The following DNAJC5B variants were observed in gnomAD, a reference collection of about 807,000 sequenced individuals.
The protein encoded by DNAJC5B is DnaJ heat shock protein family (Hsp40) member C5 beta, also known as dnaJ homolog subfamily C member 5B.
In DNAJC5B, 23 loss-of-function variants were observed where a neutral mutation model predicts 24.7. That is an observed-to-expected ratio of 0.93 (90% CI 0.67 to 1.32). DNAJC5B has a LOEUF of 1.32. Ranked by LOEUF, DNAJC5B falls within the 40% of genes most tolerant of loss-of-function variation. DNAJC5B has a pLI of 0.00. For synonymous variants in DNAJC5B, 101 were observed against 90.1 expected (o/e 1.12, Z -0.68); for missense variants, 238 against 240.8 (o/e 0.99, Z 0.08).
intron 5 of DNAJC5B, among the ~76,000 whole-genome samples, chr8:66,088,708 T>C (rs1271543711): frequency 6.6e-6 from 1 of 152,278 alleles, no homozygotes; most frequent in South Asian, 2.1e-4. Flanking sequence ...CAAGGTTCCA[T>C]AGATCTCTAG....
intron 3 of DNAJC5B, among the ~76,000 whole-genome samples, chr8:66,059,707 T>A (rs930400897): frequency 1.3e-5 from 2 of 152,192 alleles, no homozygotes; most frequent in Admixed American, 6.5e-5. Context: ...GGGAGGCAGT[T>A]CATCTCCATG....
intron 5 of DNAJC5B, among the ~76,000 whole-genome samples, chr8:66,082,692 A>G (rs1203384573): frequency 5.3e-5 from 8 of 152,174 alleles, no homozygotes; most frequent in Admixed American, 4.6e-4. Flanking sequence ...AGCAGCTCCT[A>G]TGCAGGGATC....
At chr8:66,020,594 CTGTGTGTGTGTGTGTGTG>C (rs10526018), upstream of DNAJC5B, among the ~76,000 whole-genome samples, 123 of 132,458 alleles carry the variant, frequency 9.3e-4, no homozygotes, top group South Asian at 1.6e-3. Flanking sequence ...AATCAATACT[CTGTGTGTGTGTGTGTGTG>C]TGTGTGTGTG....
In DNAJC5B at chr8:66,100,814, G is replaced by A. The variant is rs1808058594; in HGVS notation, c.*783G>A. On this transcript the variant is annotated 3_prime_UTR_variant, in exon 6 of 6. Transcript: ENST00000276570. Reference sequence around the variant, plus strand: ...ACTAAGGGAAAAAAAACAGATGAAGGGGTAGAACTCTATACTCTAGAGCCT... The same window carrying A: ...ACTAAGGGAAAAAAAACAGATGAAGAGGTAGAACTCTATACTCTAGAGCCT... Among the ~76,000 whole-genome samples the A allele has an allele frequency of 6.6e-6, 1 of 152,106 alleles. No individual in the cohort carries two copies. The highest frequency in any genetic ancestry group is 6.6e-5 in the Admixed American group (1 of 15,264).
At position 66,101,033 on chromosome 8, in the gene DNAJC5B, G is replaced by A. The variant is rs77989409; in HGVS notation, c.*1002G>A. Among the ~76,000 whole-genome samples the A allele has an allele frequency of 0.024, 3,605 of 152,166 alleles. 127 individuals are homozygous for A. Among genetic ancestry groups the A allele is most frequent in the African/African-American group, 0.081 (3,377 of 41,500 alleles). ...AAATACTATGGCAGAAAAAGTGTTC[G>A]TTTTTCTAGCTCTTTCTTACTTTTT... On this transcript the variant is annotated 3_prime_UTR_variant, in exon 6 of 6. Coordinates refer to ENST00000276570, the MANE Select transcript of DNAJC5B (RefSeq NM_033105.6).
chr8:66,085,520 C>A (rs560822248), intron 5 of DNAJC5B, among the ~76,000 whole-genome samples: 2 of 152,128 alleles, frequency 1.3e-5, no homozygotes, highest in South Asian at 2.1e-4. Flanking sequence ...TTGCAGTGAG[C>A]GGAGATTGCA....
intron 3 of DNAJC5B, among the ~76,000 whole-genome samples, chr8:66,074,816 A>G (rs914120494): frequency 6.6e-6 from 1 of 152,140 alleles, no homozygotes; most frequent in African/African-American, 2.4e-5. Flanking sequence ...CTTCCCGAGG[A>G]TTCCTCAGAG....
At chr8:66,083,081 G>A (rs1243372708) in intron 5 of DNAJC5B, among the ~76,000 whole-genome samples, 1 of 136,688 alleles carries the variant, frequency 7.3e-6, no homozygotes, top group Non-Finnish European at 1.5e-5. Flanking sequence ...GCACGATCTC[G>A]GCTCACTGCA....
intron 3 of DNAJC5B, among the ~76,000 whole-genome samples, chr8:66,064,309 G>C (rs1279112715): frequency 6.6e-6 from 1 of 152,152 alleles, no homozygotes; most frequent in Non-Finnish European, 1.5e-5. Context: ...AGAGCTATTG[G>C]CAGGGACTGC....
intron 3 of DNAJC5B, among the ~76,000 whole-genome samples, chr8:66,051,907 AAGAG>A (rs545475932): frequency 6.6e-6 from 1 of 152,072 alleles, no homozygotes; most frequent in Non-Finnish European, 1.5e-5. Context: ...CCTGCAGTGA[AAGAG>A]AGAGAGAAAG....
chr8:66,056,872 GGCTCT>G (rs1806972697), intron 3 of DNAJC5B: 2 of 152,358 alleles, frequency 1.3e-5, no homozygotes, highest in Non-Finnish European at 2.9e-5. Flanking sequence ...CGGGTGCGGT[GGCTCT>G]CGCCTGTAAT....
chr8:66,067,031 A>G (rs76494271), intron 3 of DNAJC5B, among the ~76,000 whole-genome samples: 4,481 of 152,242 alleles, frequency 0.029, 83 homozygotes, highest in Non-Finnish European at 0.045. Flanking sequence ...ACAGCATGTA[A>G]GGCCTTTGGT....
chr8:66,022,471 G>A (rs1254199584), intron 1 of DNAJC5B, among the ~76,000 whole-genome samples: 4 of 152,134 alleles, frequency 2.6e-5, no homozygotes, highest in African/African-American at 9.7e-5. Flanking sequence ...GACAGCTCAG[G>A]CAGGCACGCT....
At chr8:66,094,167 A>G (rs1563613853) in intron 5 of DNAJC5B, among the ~76,000 whole-genome samples, 2 of 152,094 alleles carry the variant, frequency 1.3e-5, no homozygotes, top group Admixed American at 1.3e-4. Context: ...TTTCTTATAT[A>G]AATCTCAAAA....
At chr8:66,095,658 G>GACAT (rs1807935270) in intron 5 of DNAJC5B, among the ~76,000 whole-genome samples, 1 of 146,638 alleles carries the variant, frequency 6.8e-6, no homozygotes, top group African/African-American at 2.5e-5. Flanking sequence ...ACTTTAGCTT[G>GACAT]ACACACACAC....
At chr8:66,063,404 T>G (rs1807125156) in intron 3 of DNAJC5B, among the ~76,000 whole-genome samples, 1 of 152,212 alleles carries the variant, frequency 6.6e-6, no homozygotes. Context: ...GAATGCATAG[T>G]TAATAGAAGA....
At chr8:66,075,657 T>G (rs1450889979) in intron 3 of DNAJC5B, among the ~76,000 whole-genome samples, 1 of 152,202 alleles carries the variant, frequency 6.6e-6, no homozygotes, top group African/African-American at 2.4e-5. Context: ...TTTTAAAAAT[T>G]TATTCTGAGT....
chr8:66,068,784 T>A (rs1217620211), intron 3 of DNAJC5B, among the ~76,000 whole-genome samples: 3 of 152,082 alleles, frequency 2.0e-5, no homozygotes, highest in Admixed American at 6.6e-5. Context: ...CCCAGGCACA[T>A]CACAGGAAAA....
At chr8:66,024,635 T>A (rs1204004200) in intron 1 of DNAJC5B, among the ~76,000 whole-genome samples, 2 of 84,000 alleles carry the variant, frequency 2.4e-5, no homozygotes, top group African/African-American at 1.1e-4. Flanking sequence ...GTCCATGTGA[T>A]CTCATTGTTC....
Sources: gnomAD v4.1 joint callset for allele counts (sites outside exome capture counted in the v4.1 genomes callset) on GRCh38, gnomAD v4.1.1 for gene constraint, MANE v1.5 for transcripts, NCBI Gene and HGNC (gene_info 2026-07-23, HGNC 2026-07-21) for gene names.